The following LASP1 variants were observed in gnomAD, a reference collection of about 807,000 sequenced individuals.
LASP1 encodes the protein LIM and SH3 protein 1.
LASP1 carries 10 observed loss-of-function variants against 38.6 expected under a neutral mutation model. The observed-to-expected ratio is 0.26, with a 90% CI of 0.16 to 0.44. The LOEUF (loss-of-function observed/expected upper bound fraction) is 0.44, where lower values mean the gene tolerates loss of function less well. Among genes scored for constraint, LASP1 ranks in the 20% least tolerant of loss-of-function variants. LASP1 has a pLI of 1.00. For synonymous variants in LASP1, 132 were observed against 140.8 expected, an observed-to-expected ratio of 0.94 and a Z score of 0.44; for missense variants, 243 against 375.7, an observed-to-expected ratio of 0.65 and a Z score of 2.92.
At position 38,890,477 on chromosome 17, in the gene LASP1, C is replaced by T; in HGVS notation, c.222C>T (p.Leu74=). ...MVADTPENLR[L]KQQSELQSQV... ...CGGACACCCCGGAAAACCTTCGCCTCAAGCAACAGAGTGAGCTCCAGAGTC... is the reference window on the plus strand; with the variant it reads ...CGGACACCCCGGAAAACCTTCGCCTTAAGCAACAGAGTGAGCTCCAGAGTC... The change falls in exon 3 of 7, where the codon CTC becomes CTT. Residue 74 remains leucine, a synonymous_variant. Transcript: ENST00000318008. The T allele has an allele frequency of 6.2e-7, 1 of 1,614,016 alleles. No individual in the cohort carries two copies. Among genetic ancestry groups the T allele is most frequent in the South Asian group, 1.1e-5 (1 of 91,082 alleles).
chr17:38,899,076 A>G (rs1020196717), intron 4 of LASP1: 19 of 326,892 alleles, frequency 5.8e-5, no homozygotes, highest in African/African-American at 2.6e-4. Flanking sequence ...AGGGGTGGGC[A>G]TGGAGAGTGG....
rs1334061844 is a variant in LASP1 at position 38,887,532 on chromosome 17, T to C, written c.165-2888T>C. Among the ~76,000 whole-genome samples, 3 of 152,232 alleles carry C rather than the reference T, an allele frequency of 2.0e-5. No homozygotes were observed. In the East Asian group the frequency reaches 5.8e-4, roughly 29 times the overall value. On this transcript the variant is annotated intron_variant, in intron 2 of 6. Transcript: ENST00000318008. The stretch of plus-strand genomic sequence containing the variant: ...CCACGTATTCATCACAGGCCACGTC[T>C]GTTGCCAGCTGCGGACACCTGTGTT...
rs1294052146 is a variant in LASP1, at chr17:38,918,918, G to C, written c.*140G>C. The C allele has an allele frequency of 1.1e-6, 1 of 937,870 alleles. No individual in the cohort carries two copies. Among genetic ancestry groups the C allele is most frequent in the East Asian group, 2.7e-5 (1 of 37,046 alleles). The allele number at this position is 937,870 out of a possible 1,614,324, so 58.1% of individuals were successfully genotyped here. On this transcript the variant is annotated 3_prime_UTR_variant, in exon 7 of 7. Transcript: ENST00000318008. The surrounding 1 kb of genome is among the most constrained non-coding windows in gnomAD (Gnocchi z 4.4). Reference sequence around the variant, plus strand: ...TCCTACCCCTCTTCCAGCTTCTTTTGCCAACTGAAGCCTTCTTCTGCCACT... The same window carrying C: ...TCCTACCCCTCTTCCAGCTTCTTTTCCCAACTGAAGCCTTCTTCTGCCACT...
rs9891593 is a variant in LASP1 at position 38,919,653 on chromosome 17, G to C, written c.*875G>C. ...GGGCAAGGGTGCCTCAGGACCTTTT[G>C]GTCTTCAGCCTCCCTCAGCCCCCAG... On this transcript the variant is annotated 3_prime_UTR_variant, in exon 7 of 7. Transcript: ENST00000318008. 4,600 of 329,844 alleles carry C rather than the reference G, an allele frequency of 0.014. 185 individuals carry two copies. Among genetic ancestry groups the C allele is most frequent in the African/African-American group, 0.086 (4,260 of 49,476 alleles). The allele number at this position is 329,844 out of a possible 1,614,324, so 20.4% of individuals were successfully genotyped here.
At position 38,918,940 on chromosome 17, in the gene LASP1, C is replaced by G; in HGVS notation, c.*162C>G. ...TTTGCCAACTGAAGCCTTCTTCTGC[C>G]ACTTCTGCGGGCTCCCTCCTCTGGC... is the stretch of plus-strand genomic sequence containing the variant. On this transcript the variant is annotated 3_prime_UTR_variant, in exon 7 of 7. Coordinates refer to ENST00000318008, the MANE Select transcript of LASP1 (RefSeq NM_006148.4). This position sits in a 1 kb window ranked among gnomAD's most constrained non-coding sequence, Gnocchi z 4.4. 1.3e-6 allele frequency: 1 copy of G among 774,928 alleles called. No homozygotes were observed. 48.0% of individuals were successfully genotyped at this position (774,928 alleles called of 1,614,324 possible).
intron 4 of LASP1, among the ~76,000 whole-genome samples, chr17:38,905,076 C>T (rs944315942): frequency 6.6e-6 from 1 of 152,160 alleles, no homozygotes; most frequent in Non-Finnish European, 1.5e-5. Context: ...AGCGGTAGTA[C>T]ATCCTTTTTC....
At chr17:38,912,388 TCAGGGTAGGGC>T (rs1914980762) in intron 4 of LASP1, among the ~76,000 whole-genome samples, 1 of 149,824 alleles carries the variant, frequency 6.7e-6, no homozygotes, top group African/African-American at 2.5e-5. Flanking sequence ...TGCCACAGGG[TCAGGGTAGGGC>T]CAGGGTGCCA....
intron 1 of LASP1, among the ~76,000 whole-genome samples, chr17:38,870,688 G>A (rs1268107011): frequency 6.6e-6 from 1 of 152,056 alleles, no homozygotes; most frequent in East Asian, 1.9e-4. Flanking sequence ...CGGGGGGGCG[G>A]GGCAGAGGCT....
At chr17:38,891,207 G>A (rs752636324) in intron 3 of LASP1, among the ~76,000 whole-genome samples, 4 of 151,722 alleles carry the variant, frequency 2.6e-5, no homozygotes, top group Non-Finnish European at 5.9e-5. Flanking sequence ...GTGGGGTGGG[G>A]TGGGGCGGGG....
chr17:38,885,344 GT>G (rs1914087967), intron 2 of LASP1, among the ~76,000 whole-genome samples: 2 of 152,212 alleles, frequency 1.3e-5, no homozygotes, highest in South Asian at 4.1e-4. Context: ...AGGACTCAGT[GT>G]GCCAAGATGT....
At chr17:38,917,955 A>T (rs761257277) in intron 6 of LASP1, among the ~76,000 whole-genome samples, 1 of 152,218 alleles carries the variant, frequency 6.6e-6, no homozygotes, top group East Asian at 1.9e-4. Context: ...CGTAGCCAAC[A>T]TGATGAAACC....
intron 1 of LASP1, among the ~76,000 whole-genome samples, chr17:38,877,520 G>T (rs907362044): frequency 3.3e-5 from 5 of 152,324 alleles, no homozygotes; most frequent in Admixed American, 3.3e-4. Context: ...CCCACAGGAA[G>T]TGGGAGGTAT....
chr17:38,898,775 C>T (rs1438977742), intron 4 of LASP1: 1 of 561,432 alleles, frequency 1.8e-6, no homozygotes, highest in Non-Finnish European at 3.4e-6. Context: ...AAATCAGCCC[C>T]CACTCTCTCT....
In LASP1 at chr17:38,918,499, C is replaced by T. The variant is rs906897579; in HGVS notation, c.613-106C>T. ...GCCTGGTGCTCCATTTCTGAGTTCA[C>T]TGCTCCCCCAGGCTCTGCTCCAGGG... is the stretch of plus-strand genomic sequence containing the variant. On this transcript the variant is annotated intron_variant, in intron 6 of 6. Coordinates refer to ENST00000318008, the MANE Select transcript of LASP1 (RefSeq NM_006148.4). The surrounding 1 kb of genome is among the most constrained non-coding windows in gnomAD (Gnocchi z 4.4). The T allele has an allele frequency of 8.8e-7, 1 of 1,132,970 alleles. No homozygotes were observed. Among genetic ancestry groups the T allele is most frequent in the Non-Finnish European group, 1.3e-6 (1 of 796,208 alleles). 70.2% of individuals were successfully genotyped at this position (1,132,970 alleles called of 1,614,324 possible). A position where few individuals can be genotyped will look rare whatever the true frequency, so the allele number is the denominator to read the frequency against.
chr17:38,919,507 A>T lies in LASP1; in HGVS notation c.*729A>T. 8.2e-6 allele frequency: 2 copies of T among 243,086 alleles called. No homozygotes were observed. The highest frequency in any genetic ancestry group is 1.6e-5 in the Non-Finnish European group (2 of 123,002). The allele number at this position is 243,086 out of a possible 1,614,324, so 15.1% of individuals were successfully genotyped here. Reference sequence around the variant, plus strand: ...GTTCTTGCCTTTCTTAATTTTAGGGACAGCTACCGGAAGGAGGGGAACAAG... The same window carrying T: ...GTTCTTGCCTTTCTTAATTTTAGGGTCAGCTACCGGAAGGAGGGGAACAAG... On this transcript the variant is annotated 3_prime_UTR_variant, in exon 7 of 7. Transcript: ENST00000318008.
At chr17:38,890,171 AC>A in intron 2 of LASP1, 2 of 513,374 alleles carry the variant, frequency 3.9e-6, no homozygotes, top group Non-Finnish European at 7.1e-6. Context: ...TTCGCTCAGG[AC>A]AGTTCTCCTT....
At chr17:38,915,181 G>GC (rs768002967) in intron 6 of LASP1, 35 bp downstream of exon 6, 5 of 1,567,748 alleles carry the variant, frequency 3.2e-6, no homozygotes. Flanking sequence ...GAGGCCAGAG[G>GC]CAGGGGGTCC....
rs958531040 is a variant in LASP1, at chr17:38,918,234, C to T, written c.613-371C>T. Among the ~76,000 whole-genome samples the T allele has an allele frequency of 2.0e-5, 3 of 152,120 alleles. No individual in the cohort carries two copies. Among genetic ancestry groups the T allele is most frequent in the Non-Finnish European group, 4.4e-5 (3 of 68,032 alleles). ...GCTCAAGCAGTTCTCCTGCCTTGGC[C>T]TCCCACAGTGCTGGGATTACAGGCG... On this transcript the variant is annotated intron_variant, in intron 6 of 6. Transcript: ENST00000318008. The surrounding 1 kb of genome is among the most constrained non-coding windows in gnomAD (Gnocchi z 4.4).
intron 3 of LASP1, among the ~76,000 whole-genome samples, chr17:38,893,856 G>A (rs1914410788): frequency 6.6e-6 from 1 of 152,224 alleles, no homozygotes; most frequent in Non-Finnish European, 1.5e-5. Context: ...CTAGCAGGAA[G>A]GGAAGGGGGA....
Sources: gnomAD v4.1 joint callset for allele counts (sites outside exome capture counted in the v4.1 genomes callset) on GRCh38, gnomAD v4.1.1 for gene constraint, Gnocchi (gnomAD v3.1) non-coding constraint, MANE v1.5 for transcripts, NCBI Gene and HGNC (gene_info 2026-07-23, HGNC 2026-07-21) for gene names.